CLASP1: variants seen among roughly 807,000 people sequenced by gnomAD.
CLASP1 encodes CLIP-associating protein 1.
In CLASP1, 38 loss-of-function variants were observed where a neutral mutation model predicts 192.3. The ratio of observed to expected loss-of-function variants is 0.20; its 90% CI spans 0.15 to 0.26. CLASP1 has a LOEUF of 0.26. Ranked by LOEUF, CLASP1 falls within the 10% of genes least tolerant of loss-of-function variation. The pLI, the probability that CLASP1 is intolerant of heterozygous loss-of-function variation, is 1.00. For synonymous variants in CLASP1, 691 were observed against 712.8 expected (o/e 0.97, Z 0.49); for missense variants, 1,433 against 1,932.5 (o/e 0.74, Z 4.85).
At chr2:121,472,268 C>T (rs1047251449) in intron 8 of CLASP1, among the ~76,000 whole-genome samples, 1 of 152,124 alleles carries the variant, frequency 6.6e-6, no homozygotes, top group Admixed American at 6.5e-5. Context: ...AATGGAATTC[C>T]TGAAATTTTT....
intron 30 of CLASP1, among the ~76,000 whole-genome samples, chr2:121,391,624 G>A (rs1019059748): frequency 1.6e-4 from 24 of 152,208 alleles, no homozygotes; most frequent in African/African-American, 5.8e-4. Context: ...AAGAGTCCGG[G>A]CGTGGTGGCT....
chr2:121,401,815 A>G, intron 27 of CLASP1, 53 bp downstream of exon 28: 1 of 792,602 alleles, frequency 1.3e-6, no homozygotes, highest in Non-Finnish European at 2.3e-6. Flanking sequence ...TTCATAGTAC[A>G]GAAGGAAAAT....
At chr2:121,397,220 C>T (rs1244174676) in exon 30 of CLASP1, 1 of 1,613,760 alleles carries the variant, frequency 6.2e-7, no homozygotes, top group African/African-American at 1.3e-5. Flanking sequence ...CTAGAGTTTA[C>T]AAAATCTGTT....
At chr2:121,547,276 G>A (rs935689551) in intron 2 of CLASP1, among the ~76,000 whole-genome samples, 3 of 152,218 alleles carry the variant, frequency 2.0e-5, no homozygotes, top group East Asian at 1.9e-4. Context: ...TGCCACTGCC[G>A]CTGCGGTGGA....
intron 2 of CLASP1, among the ~76,000 whole-genome samples, chr2:121,588,649 C>T (rs969791535): frequency 1.3e-5 from 2 of 152,162 alleles, no homozygotes; most frequent in African/African-American, 4.8e-5. Context: ...GAAATGAAGG[C>T]TCAATGGCAC....
intron 6 of CLASP1, among the ~76,000 whole-genome samples, chr2:121,518,609 T>C (rs1441602767): frequency 2.0e-5 from 3 of 152,146 alleles, no homozygotes. Flanking sequence ...GGCTCATGCC[T>C]GTAATCCCAG....
intron 30 of CLASP1, 91 bp from the exon 32 acceptor site, chr2:121,387,997 A>T: frequency 1.9e-6 from 2 of 1,027,596 alleles, no homozygotes; most frequent in Non-Finnish European, 2.8e-6. Flanking sequence ...TTTATAAGTA[A>T]AATCACTAAT....
chr2:121,418,567 G>A (rs750103389), intron 23 of CLASP1, 55 bp downstream of exon 23: 15 of 1,244,862 alleles, frequency 1.2e-5, no homozygotes, highest in South Asian at 6.0e-5. Flanking sequence ...GCAGTGTCTC[G>A]GACAAGCAGG....
intron 19 of CLASP1, among the ~76,000 whole-genome samples, chr2:121,431,776 T>TGTAAATA (rs2081461497): frequency 6.6e-6 from 1 of 152,024 alleles, no homozygotes; most frequent in African/African-American, 2.4e-5. Context: ...ATACATGTTT[T>TGTAAATA]CACAACCAAT....
At chr2:121,404,118 G>T (rs1320672807) in intron 26 of CLASP1, among the ~76,000 whole-genome samples, 1 of 152,180 alleles carries the variant, frequency 6.6e-6, no homozygotes, top group Admixed American at 6.5e-5. Flanking sequence ...CTGAATATAA[G>T]AAAGACCATC....
chr2:121,480,384 C>T (rs2092492962), intron 8 of CLASP1, among the ~76,000 whole-genome samples: 1 of 152,166 alleles, frequency 6.6e-6, no homozygotes, highest in Non-Finnish European at 1.5e-5. Flanking sequence ...GGCACAATTC[C>T]TCTTTGGGTC....
chr2:121,628,673 CAAA>C (rs75085413), intron 1 of CLASP1, among the ~76,000 whole-genome samples: 8 of 76,566 alleles, frequency 1.0e-4, no homozygotes, highest in African/African-American at 9.8e-5. Context: ...GACTCTGTCT[CAAA>C]AAAAAAAAAA....
chr2:121,360,406 A>G (rs1573766724), intron 37 of CLASP1, among the ~76,000 whole-genome samples: 1 of 152,186 alleles, frequency 6.6e-6, no homozygotes, highest in African/African-American at 2.4e-5. Context: ...AAATGTTTGG[A>G]GTCATAAGAA....
chr2:121,629,445 T>C (rs987656737), intron 1 of CLASP1, among the ~76,000 whole-genome samples: 3 of 151,868 alleles, frequency 2.0e-5, no homozygotes, highest in Admixed American at 2.0e-4. Flanking sequence ...TATTGGACTT[T>C]AAAGGTATCT....
intron 12 of CLASP1, 45 bp downstream of exon 12, chr2:121,459,935 G>A: frequency 6.5e-7 from 1 of 1,546,134 alleles, no homozygotes; most frequent in Non-Finnish European, 8.8e-7. Flanking sequence ...AAGCTCTGTG[G>A]TGACACTATT....
At chr2:121,526,230 G>A (rs571298447) in intron 5 of CLASP1, among the ~76,000 whole-genome samples, 12 of 152,318 alleles carry the variant, frequency 7.9e-5, no homozygotes, top group Non-Finnish European at 1.3e-4. Flanking sequence ...TTGCCTCACA[G>A]GTGCTGCCTC....
intron 8 of CLASP1, among the ~76,000 whole-genome samples, chr2:121,496,846 G>C (rs935269450): frequency 6.6e-6 from 1 of 152,056 alleles, no homozygotes; most frequent in Non-Finnish European, 1.5e-5. Context: ...CAGATGAATG[G>C]AATAAGAAAA....
chr2:121,632,290 C>G (rs1242879061), intron 1 of CLASP1, among the ~76,000 whole-genome samples: 1 of 152,010 alleles, frequency 6.6e-6, no homozygotes, highest in Non-Finnish European at 1.5e-5. Flanking sequence ...TCATCAAAAC[C>G]TCCAACGTGA....
intron 1 of CLASP1, among the ~76,000 whole-genome samples, chr2:121,640,659 A>G (rs1030101992): frequency 2.6e-5 from 4 of 151,216 alleles, no homozygotes; most frequent in African/African-American, 9.8e-5. Flanking sequence ...ACTGACCTTC[A>G]TGAAGGAAGA....
Sources: allele counts gnomAD v4.1 joint callset (sites outside exome capture counted in the v4.1 genomes callset), GRCh38; gene constraint gnomAD v4.1.1; transcripts MANE v1.5; gene names NCBI Gene and HGNC (gene_info 2026-07-23, HGNC 2026-07-21).